The following DEK variants were observed in gnomAD, a reference collection of about 807,000 sequenced individuals.
DEK encodes the protein protein DEK.
DEK carries 28 observed loss-of-function variants against 46.8 expected under a neutral mutation model. The ratio of observed to expected loss-of-function variants is 0.60; its 90% confidence interval spans 0.44 to 0.82. The LOEUF (loss-of-function observed/expected upper bound fraction) is 0.82. Among genes scored for constraint, DEK ranks in the 40% least tolerant of loss-of-function variants. The pLI is 0.00. For missense variants in DEK, 416 were observed against 430.6 expected (o/e 0.97, Z 0.30); for synonymous variants, 160 against 144.5 (o/e 1.11, Z -0.77).
chr6:18,259,430 A>AAAAAAAAAAAAAAAAAAAAT (rs1554162685), intron 2 of DEK, among the ~76,000 whole-genome samples: 3 of 96,742 alleles, frequency 3.1e-5, no homozygotes, highest in Admixed American at 9.8e-5. Context: ...AAAAAAAAAA[A>AAAAAAAAAAAAAAAAAAAAT]AAATCTAGAA....
At chr6:18,263,146 T>C (rs1467627961) in intron 2 of DEK, among the ~76,000 whole-genome samples, 1 of 152,188 alleles carries the variant, frequency 6.6e-6, no homozygotes, top group Non-Finnish European at 1.5e-5. Context: ...CACACTCCTC[T>C]ATTCAGTCAA....
chr6:18,237,659 G>A (rs1178841609), intron 7 of DEK, 143 bp from the exon 8 acceptor site: 4 of 1,103,778 alleles, frequency 3.6e-6, no homozygotes, highest in Non-Finnish European at 5.0e-6. Flanking sequence ...CTTTTTGAGA[G>A]ATGACTAATA....
Position 18,258,410 on chromosome 6 carries a change from AAATT to A in DEK, c.146-9_146-6del. 1 of 1,598,974 alleles carries A rather than the reference AAATT, an allele frequency of 6.3e-7. No individual in the cohort carries two copies. Among genetic ancestry groups the A allele is most frequent in the Non-Finnish European group, 8.6e-7 (1 of 1,168,986 alleles). Reference sequence around the variant, plus strand: ...CTTCCACGATGAGACTCTTTTCTAGAAATTAATTTAGTATTTCTTAATTAACAAA... The same window carrying A: ...CTTCCACGATGAGACTCTTTTCTAGAAATTTAGTATTTCTTAATTAACAAA... On this transcript the variant is annotated splice_region_variant and splice_polypyrimidine_tract_variant and intron_variant, in intron 2 of 10. Transcript: ENST00000652689.
intron 5 of DEK, 124 bp from the exon 6 acceptor site, chr6:18,255,975 C>T: frequency 1.8e-6 from 2 of 1,117,690 alleles, no homozygotes; most frequent in East Asian, 2.7e-5. Context: ...GTGGCCAATG[C>T]TTCTATGAAT....
chr6:18,262,598 GACTTCTC>G (rs1414378441), intron 2 of DEK, among the ~76,000 whole-genome samples: 6 of 152,046 alleles, frequency 3.9e-5, no homozygotes, highest in Non-Finnish European at 8.8e-5. Context: ...ATATTTACAT[GACTTCTC>G]TAATTTTTTC....
chr6:18,234,785 C>T (rs1282192503), intron 9 of DEK, among the ~76,000 whole-genome samples: 1 of 152,136 alleles, frequency 6.6e-6, no homozygotes. Flanking sequence ...CCCTACTACC[C>T]ATTAAAAATA....
Position 18,225,196 on chromosome 6 carries a change from G to C in DEK, c.*523C>G, listed in dbSNP as rs1790056769. 1 of 226,508 alleles carries C rather than the reference G, an allele frequency of 4.4e-6. No homozygotes were observed. The highest frequency in any genetic ancestry group is 8.8e-6 in the Non-Finnish European group (1 of 113,868). The allele number at this position is 226,508 out of a possible 1,614,324, so 14.0% of individuals were successfully genotyped here. A position where few individuals can be genotyped will look rare whatever the true frequency, so the allele number is the denominator to read the frequency against. On this transcript the variant is annotated 3_prime_UTR_variant, in exon 11 of 11. Transcript: ENST00000652689. ...ACAATTTGACATATATACACATGCA[G>C]GAGAAAAGTTCCAATTCAGTGATCT...
chr6:18,264,413 ACG>A lies in DEK; in HGVS notation c.-40_-39del. On this transcript the variant is annotated 5_prime_UTR_variant, in exon 1 of 11. Coordinates refer to ENST00000652689, the MANE Select transcript of DEK (RefSeq NM_003472.4). ...GGATTTCGGCCGCCGCGGGCCTGGC[ACG>A]CGAGGGCACGAGGAGGTTCTGGGAG... The A allele has an allele frequency of 4.0e-6, 1 of 252,032 alleles. No homozygotes were observed. The highest frequency in any genetic ancestry group is 8.1e-6 in the Non-Finnish European group (1 of 123,610). 15.6% of individuals were successfully genotyped at this position (252,032 alleles called of 1,614,324 possible). A position where few individuals can be genotyped will look rare whatever the true frequency, so the allele number is the denominator to read the frequency against.
chr6:18,246,996 T>C (rs1234824641), intron 7 of DEK, among the ~76,000 whole-genome samples: 6 of 152,336 alleles, frequency 3.9e-5, no homozygotes, highest in African/African-American at 1.4e-4. Context: ...CTTCTGTGAC[T>C]AACTTGCAAC....
chr6:18,252,346 A>G (rs1264288087), intron 6 of DEK, among the ~76,000 whole-genome samples: 1 of 151,914 alleles, frequency 6.6e-6, no homozygotes, highest in African/African-American at 2.4e-5. Context: ...CTTGTCTCTA[A>G]GAAAATGTAA....
intron 7 of DEK, 29 bp from the exon 8 acceptor site, chr6:18,237,545 T>A (rs1790710886): frequency 6.3e-7 from 1 of 1,588,692 alleles, no homozygotes; most frequent in South Asian, 1.2e-5. Flanking sequence ...AAAGTACACA[T>A]ATTGATGAGA....
At chr6:18,260,742 T>A (rs1016750380) in intron 2 of DEK, among the ~76,000 whole-genome samples, 3 of 152,046 alleles carry the variant, frequency 2.0e-5, no homozygotes, top group Non-Finnish European at 4.4e-5. Context: ...GGCTCATTCC[T>A]GTAATCCAGG....
chr6:18,251,630 T>C (rs1309736768), intron 6 of DEK, among the ~76,000 whole-genome samples: 1 of 152,264 alleles, frequency 6.6e-6, no homozygotes, highest in African/African-American at 2.4e-5. Context: ...TGTGAGATAC[T>C]ACCATTAACA....
At chr6:18,244,468 TGAAG>T in intron 7 of DEK, 2 of 1,126,772 alleles carry the variant, frequency 1.8e-6, no homozygotes, top group Non-Finnish European at 2.4e-6. Context: ...AAGCACTTTT[TGAAG>T]GAAGGCAAAA....
chr6:18,225,935 C>T lies in DEK; in HGVS notation c.1117-205G>A, dbSNP rs533186606. The T allele has an allele frequency of 1.3e-5, 9 of 692,862 alleles. No individual in the cohort carries two copies. The Admixed American group carries it at 2.4e-4, about 18-fold the overall frequency. 42.9% of individuals were successfully genotyped at this position (692,862 alleles called of 1,614,324 possible). A position where few individuals can be genotyped will look rare whatever the true frequency, so the allele number is the denominator to read the frequency against. On this transcript the variant is annotated intron_variant, in intron 10 of 10. Coordinates refer to ENST00000652689, the MANE Select transcript of DEK (RefSeq NM_003472.4). Reference sequence around the variant, plus strand: ...AGAGCAACGTTGAGATGCCCAGCTACCCAGGTACACCATGAGGCCACATCA... The same window carrying T: ...AGAGCAACGTTGAGATGCCCAGCTATCCAGGTACACCATGAGGCCACATCA...
intron 6 of DEK, among the ~76,000 whole-genome samples, chr6:18,254,129 G>C (rs748451852): frequency 5.9e-5 from 9 of 152,130 alleles, no homozygotes; most frequent in Non-Finnish European, 1.0e-4. Flanking sequence ...TCAGGAGTTC[G>C]AGACCAGCCT....
chr6:18,257,528 T>C (rs548721683), intron 4 of DEK, among the ~76,000 whole-genome samples: 10 of 152,154 alleles, frequency 6.6e-5, no homozygotes, highest in Non-Finnish European at 1.2e-4. Flanking sequence ...CCTGGGCACA[T>C]GGCAAAACCC....
chr6:18,240,985 T>C lies in DEK; in HGVS notation c.763-3469A>G, dbSNP rs1008593612. Among the ~76,000 whole-genome samples, 4 of 152,326 alleles carry C rather than the reference T, an allele frequency of 2.6e-5. No individual in the cohort carries two copies. The East Asian group carries it at 7.7e-4, about 29-fold the overall frequency. ...GTCATGTCATTTATACAGAATTTCA[T>C]TTATCTTTAGCAACCAGCTGTAAAT... On this transcript the variant is annotated intron_variant, in intron 7 of 10. Transcript: ENST00000652689.
chr6:18,255,981 T>C, intron 5 of DEK, 130 bp from the exon 6 acceptor site: 1 of 1,074,134 alleles, frequency 9.3e-7, no homozygotes, highest in Non-Finnish European at 1.3e-6. Flanking sequence ...AATGCTTCTA[T>C]GAATCTTTTT....
Sources: allele counts gnomAD v4.1 joint callset (sites outside exome capture counted in the v4.1 genomes callset), GRCh38; gene constraint gnomAD v4.1.1; transcripts MANE v1.5; gene names NCBI Gene and HGNC (gene_info 2026-07-23, HGNC 2026-07-21).